TAOK3: variants seen among roughly 807,000 people sequenced by gnomAD.
The protein encoded by TAOK3 is TAO kinase 3.
Under a neutral mutation model 120.4 loss-of-function variants are expected in TAOK3, and 40 were observed. The observed-to-expected ratio is 0.33, with a 90% CI of 0.26 to 0.43. TAOK3 has a LOEUF of 0.43. Ranked by LOEUF, TAOK3 falls within the 20% of genes least tolerant of loss-of-function variation. TAOK3 has a pLI of 1.00. For missense variants in TAOK3, 821 were observed against 1,112.1 expected (o/e 0.74, Z 3.72); for synonymous variants, 355 against 387.5 (o/e 0.92, Z 0.99).
At chr12:118,325,041 C>T (rs1347670620) in intron 1 of TAOK3, among the ~76,000 whole-genome samples, 1 of 152,108 alleles carries the variant, frequency 6.6e-6, no homozygotes, top group Non-Finnish European at 1.5e-5. Context: ...CCACCGCGCC[C>T]GGCCCTAGAA....
At chr12:118,247,488 T>TATATATAC (rs1021661634) in intron 3 of TAOK3, among the ~76,000 whole-genome samples, 6 of 151,284 alleles carry the variant, frequency 4.0e-5, no homozygotes, top group Admixed American at 1.3e-4. Context: ...TATATATATA[T>TATATATAC]ACACACACAC....
chr12:118,257,220 T>C (rs746074919), intron 2 of TAOK3, among the ~76,000 whole-genome samples: 1 of 152,212 alleles, frequency 6.6e-6, no homozygotes, highest in Non-Finnish European at 1.5e-5. Context: ...TATATTCATA[T>C]AGAAATACAG....
At chr12:118,257,455 T>C (rs914128514) in intron 2 of TAOK3, among the ~76,000 whole-genome samples, 3 of 152,140 alleles carry the variant, frequency 2.0e-5, no homozygotes, top group Admixed American at 6.6e-5. Context: ...TTGAAAAATA[T>C]AGAAATGTTA....
At chr12:118,368,971 C>T (rs530452153) in intron 1 of TAOK3, among the ~76,000 whole-genome samples, 10 of 123,722 alleles carry the variant, frequency 8.1e-5, no homozygotes, top group Non-Finnish European at 1.5e-4. Context: ...CCAGCCTGGG[C>T]AATGTTGTGA....
rs2034328501 is a variant in TAOK3 at position 118,150,686 on chromosome 12, T to C, written c.*311A>G. The stretch of plus-strand genomic sequence containing the variant: ...ATCCACTTTTTTTGTTGTTGGTTTA[T>C]TGGTTTTGTTAAAACTGTCTCCAAA... On this transcript the variant is annotated 3_prime_UTR_variant, in exon 21 of 21. Transcript: ENST00000392533. 8.7e-6 allele frequency: 2 copies of C among 229,314 alleles called. No homozygotes were observed. The highest frequency in any genetic ancestry group is 8.7e-5 in the East Asian group (1 of 11,478). The allele number at this position is 229,314 out of a possible 1,614,324, so 14.2% of individuals were successfully genotyped here. A position where few individuals can be genotyped will look rare whatever the true frequency, so the allele number is the denominator to read the frequency against.
intron 9 of TAOK3, among the ~76,000 whole-genome samples, chr12:118,221,885 C>T (rs914688867): frequency 8.6e-5 from 13 of 151,976 alleles, no homozygotes; most frequent in Non-Finnish European, 7.4e-5. Flanking sequence ...CTGCCCGCCT[C>T]GGCCTCCTAA....
rs140695119 is a variant in TAOK3, at chr12:118,276,888, C to A, written c.-193-10129G>T. ...GGCATGGTGGCTCACGCCTATAGTC[C>A]CAGCTACTCAGGAGACTGAGGCAGG... On this transcript the variant is annotated intron_variant, in intron 1 of 20. Transcript: ENST00000392533. Among the ~76,000 whole-genome samples, 927 of 152,192 alleles carry A rather than the reference C, an allele frequency of 6.1e-3. 13 individuals carry two copies. The highest frequency in any genetic ancestry group is 0.021 in the African/African-American group (890 of 41,528).
intron 1 of TAOK3, chr12:118,359,456 T>C (rs2045518759): frequency 6.6e-6 from 1 of 152,128 alleles, no homozygotes; most frequent in African/African-American, 2.4e-5. Flanking sequence ...CATACTAGAG[T>C]AAGGTTTCAA....
intron 3 of TAOK3, among the ~76,000 whole-genome samples, chr12:118,252,364 TAAAGA>T (rs2040793533): frequency 6.6e-6 from 1 of 152,056 alleles, no homozygotes; most frequent in Admixed American, 6.6e-5. Flanking sequence ...GTTATAACTA[TAAAGA>T]AAAGTAAGAA....
chr12:118,163,576 A>G (rs2035369578), intron 17 of TAOK3, among the ~76,000 whole-genome samples: 1 of 151,434 alleles, frequency 6.6e-6, no homozygotes, highest in Admixed American at 6.6e-5. Context: ...CCACCCCACC[A>G]TGCCCAGCCA....
At chr12:118,254,805 C>T (rs1275264932) in intron 3 of TAOK3, among the ~76,000 whole-genome samples, 1 of 151,926 alleles carries the variant, frequency 6.6e-6, no homozygotes, top group Non-Finnish European at 1.5e-5. Flanking sequence ...TTGCCCAGGC[C>T]AGAGTGCAGT....
intron 3 of TAOK3, among the ~76,000 whole-genome samples, chr12:118,254,305 A>ACCATCCATCCATCCAT (rs374028494): frequency 4.7e-4 from 72 of 151,804 alleles, no homozygotes; most frequent in Middle Eastern, 6.8e-3. Flanking sequence ...CTGTCTATCC[A>ACCATCCATCCATCCAT]CCATCCATCC....
intron 1 of TAOK3, among the ~76,000 whole-genome samples, chr12:118,277,363 G>A (rs1409160416): frequency 6.6e-6 from 1 of 151,930 alleles, no homozygotes; most frequent in Non-Finnish European, 1.5e-5. Flanking sequence ...AATTCAAGTG[G>A]TACCACTTGG....
At chr12:118,310,311 A>G (rs1373267237) in intron 1 of TAOK3, among the ~76,000 whole-genome samples, 1 of 152,208 alleles carries the variant, frequency 6.6e-6, no homozygotes, top group African/African-American at 2.4e-5. Flanking sequence ...TAAATGAACA[A>G]ATAAATAAGA....
intron 1 of TAOK3, among the ~76,000 whole-genome samples, chr12:118,358,064 C>A (rs1296209526): frequency 6.6e-6 from 1 of 152,114 alleles, no homozygotes; most frequent in South Asian, 2.1e-4. Flanking sequence ...TTTATTTAAA[C>A]CTCATTCCAA....
chr12:118,195,219 T>C lies in TAOK3; in HGVS notation c.1194+3832A>G, dbSNP rs549546433. Among the ~76,000 whole-genome samples, 12 of 152,252 alleles carry C rather than the reference T, an allele frequency of 7.9e-5. No individual in the cohort carries two copies. The South Asian group carries it at 2.5e-3, about 32-fold the overall frequency. On this transcript the variant is annotated intron_variant, in intron 13 of 20. Coordinates refer to ENST00000392533, the MANE Select transcript of TAOK3 (RefSeq NM_016281.4). ...TAAAATAACACTGATTCAAGAACAA[T>C]GCTTTTAATATATTAAAGTCTTATG... is the stretch of plus-strand genomic sequence containing the variant.
intron 1 of TAOK3, among the ~76,000 whole-genome samples, chr12:118,290,888 G>A (rs983103001): frequency 6.0e-5 from 9 of 150,482 alleles, no homozygotes; most frequent in East Asian, 3.9e-4. Context: ...GTATTAGGGC[G>A]TTTACTTTTT....
chr12:118,322,672 T>C (rs1952358881), intron 1 of TAOK3, among the ~76,000 whole-genome samples: 1 of 149,852 alleles, frequency 6.7e-6, no homozygotes, highest in Non-Finnish European at 1.5e-5. Flanking sequence ...TCAAGAACTA[T>C]CATTCTTGTG....
intron 13 of TAOK3, among the ~76,000 whole-genome samples, chr12:118,195,215 A>G (rs1034568084): frequency 1.3e-5 from 2 of 152,236 alleles, no homozygotes; most frequent in Non-Finnish European, 2.9e-5. Context: ...TGATTCAAGA[A>G]CAATGCTTTT....
Sources: allele counts gnomAD v4.1 joint callset (sites outside exome capture counted in the v4.1 genomes callset), GRCh38; gene constraint gnomAD v4.1.1; transcripts MANE v1.5; gene names NCBI Gene and HGNC (gene_info 2026-07-23, HGNC 2026-07-21).